Variants in ARHGAP25 observed in about 807,000 individuals in gnomAD.
ARHGAP25 encodes the protein rho GTPase-activating protein 25.
A neutral mutation model predicts 71.0 loss-of-function variants in ARHGAP25; 34 were observed. The observed-to-expected ratio is 0.48, with a 90% CI of 0.36 to 0.64. ARHGAP25 has a LOEUF of 0.64. Ranked by LOEUF, ARHGAP25 falls within the 30% of genes least tolerant of loss-of-function variation. The probability of loss-of-function intolerance (pLI) is 0.00; values close to 1 mark genes in which losing one functional copy is unlikely to be tolerated. For missense variants in ARHGAP25, 706 were observed against 805.1 expected (o/e 0.88, Z 1.49); for synonymous variants, 282 against 296.5 (o/e 0.95, Z 0.50).
chr2:68,741,147 A>G (rs934410932), intron 1 of ARHGAP25, among the ~76,000 whole-genome samples: 1 of 152,170 alleles, frequency 6.6e-6, no homozygotes, highest in Non-Finnish European at 1.5e-5. Context: ...GGATTACATT[A>G]TCTTGCTACC....
intron 4 of ARHGAP25, 95 bp downstream of exon 4, chr2:68,788,051 AG>A: frequency 3.1e-6 from 3 of 981,128 alleles, no homozygotes; most frequent in Non-Finnish European, 3.2e-6. Flanking sequence ...GCAGTGCTCA[AG>A]GGAGACAACC....
chr2:68,732,161 C>CGA (rs1675038662), upstream of ARHGAP25, among the ~76,000 whole-genome samples: 1 of 152,076 alleles, frequency 6.6e-6, no homozygotes, highest in Non-Finnish European at 1.5e-5. Flanking sequence ...GTTGACTGAC[C>CGA]GAGAGAGAGC....
chr2:68,764,752 G>C (rs1387587836), intron 1 of ARHGAP25, among the ~76,000 whole-genome samples: 3 of 152,098 alleles, frequency 2.0e-5, no homozygotes, highest in African/African-American at 7.2e-5. Flanking sequence ...GTTAGTGCAG[G>C]ATTTTCTTGG....
intron 2 of ARHGAP25, among the ~76,000 whole-genome samples, chr2:68,725,494 T>G (rs1674862707): frequency 6.6e-6 from 1 of 151,946 alleles, no homozygotes. Context: ...CTGGCCAATT[T>G]TTTTCTTTTC....
chr2:68,773,000 T>C (rs1677585912), intron 1 of ARHGAP25, among the ~76,000 whole-genome samples: 1 of 152,238 alleles, frequency 6.6e-6, no homozygotes. Flanking sequence ...TCTTGCAACG[T>C]GGGATACAAC....
upstream of ARHGAP25, among the ~76,000 whole-genome samples, chr2:68,730,870 C>G (rs757847441): frequency 3.3e-5 from 5 of 152,150 alleles, no homozygotes; most frequent in Non-Finnish European, 2.9e-5. Flanking sequence ...CTCACTCCCC[C>G]ACCTGGCTTC....
chr2:68,740,798 G>A (rs1333048202), intron 1 of ARHGAP25, among the ~76,000 whole-genome samples: 2 of 152,190 alleles, frequency 1.3e-5, no homozygotes, highest in Admixed American at 6.5e-5. Flanking sequence ...TTCTTAATAC[G>A]GTATGTAACA....
intron 2 of ARHGAP25, among the ~76,000 whole-genome samples, chr2:68,716,368 A>C (rs1674608885): frequency 6.6e-6 from 1 of 152,224 alleles, no homozygotes; most frequent in Admixed American, 6.5e-5. Context: ...TGGGACATCC[A>C]TGTAACCCTC....
intron 4 of ARHGAP25, among the ~76,000 whole-genome samples, chr2:68,788,796 G>A (rs970341440): frequency 8.5e-5 from 13 of 152,212 alleles, no homozygotes; most frequent in Middle Eastern, 3.4e-3. Context: ...TATTGACTGT[G>A]TGGCCTGTTA....
intron 4 of ARHGAP25, among the ~76,000 whole-genome samples, chr2:68,790,914 C>T (rs1159411588): frequency 1.3e-5 from 2 of 152,180 alleles, no homozygotes; most frequent in African/African-American, 2.4e-5. Context: ...CCTCCCCTCC[C>T]GCATTTCCCT....
At chr2:68,742,595 G>A (rs1675579934) in intron 1 of ARHGAP25, among the ~76,000 whole-genome samples, 1 of 152,200 alleles carries the variant, frequency 6.6e-6, no homozygotes, top group Admixed American at 6.5e-5. Context: ...TCTAGTAAGT[G>A]CTTCATAAAC....
intron 2 of ARHGAP25, chr2:68,775,819 T>G: frequency 2.6e-6 from 1 of 387,858 alleles, no homozygotes. Context: ...CTGTTCTAGG[T>G]ACTTGAAATA....
intron 2 of ARHGAP25, among the ~76,000 whole-genome samples, chr2:68,715,233 A>C (rs558419799): frequency 6.6e-6 from 1 of 152,212 alleles, no homozygotes; most frequent in Non-Finnish European, 1.5e-5. Context: ...AAAAGTTGGT[A>C]GAAATGCAAA....
upstream of ARHGAP25, chr2:68,734,774 G>A (rs1675119686): frequency 5.7e-6 from 1 of 176,246 alleles, no homozygotes; most frequent in African/African-American, 2.4e-5. Context: ...AGTTAAAAAA[G>A]AAACACACAC....
Position 68,767,441 on chromosome 2 carries a change from G to A in ARHGAP25, c.62-7780G>A, listed in dbSNP as rs903723634. Among the ~76,000 whole-genome samples, 8 of 152,236 alleles carry A rather than the reference G, an allele frequency of 5.3e-5. No homozygotes were observed. The highest frequency in any genetic ancestry group is 1.3e-4 in the Admixed American group (2 of 15,294). ...TGTGTGAATGTGGCAGGGGCGTTGC[G>A]TGTGTGTATGTGTGCGGGGTGTGGG... On this transcript the variant is annotated intron_variant, in intron 1 of 10. Transcript: ENST00000409202. This position sits in a 1 kb window ranked among gnomAD's most constrained non-coding sequence, Gnocchi z 4.6.
chr2:68,806,349 A>C (rs1680362950), intron 4 of ARHGAP25, among the ~76,000 whole-genome samples: 1 of 152,238 alleles, frequency 6.6e-6, no homozygotes, highest in African/African-American at 2.4e-5. Flanking sequence ...ATAGTAAACA[A>C]CCTAAATTAT....
intron 1 of ARHGAP25, among the ~76,000 whole-genome samples, chr2:68,740,380 A>G (rs907961271): frequency 1.3e-5 from 2 of 152,228 alleles, no homozygotes; most frequent in African/African-American, 4.8e-5. Flanking sequence ...AAGGAATTAA[A>G]TGGAAAGTCT....
Position 68,822,762 on chromosome 2 carries a change from T to C in ARHGAP25, c.1623T>C (p.Pro541=), listed in dbSNP as rs770752452. 1.9e-6 allele frequency: 3 copies of C among 1,614,092 alleles called. No homozygotes were observed. In the Admixed American group the frequency reaches 5.0e-5, roughly 27 times the overall value. Reference sequence around the variant, plus strand: ...CCAGTCCAAACTCTGAAACTGGGCCTGGAAAAAAGAACTCTGGAGAAGAGG... The same window carrying C: ...CCAGTCCAAACTCTGAAACTGGGCCCGGAAAAAAGAACTCTGGAGAAGAGG... ...TLASPNSETG[P]GKKNSGEEEI... is the part of the protein sequence containing the mutation. Residue 541 remains proline (P), a synonymous_variant, in exon 10 of 11, where the codon CCT becomes CCC. Transcript: ENST00000409202.
intron 2 of ARHGAP25, among the ~76,000 whole-genome samples, chr2:68,715,062 A>G (rs1348892334): frequency 6.6e-6 from 1 of 152,146 alleles, no homozygotes; most frequent in African/African-American, 2.4e-5. Context: ...AGCCCTGAGC[A>G]TGAGGGTGGG....
Sources: gnomAD v4.1 joint callset for allele counts (sites outside exome capture counted in the v4.1 genomes callset) on GRCh38, gnomAD v4.1.1 for gene constraint, Gnocchi (gnomAD v3.1) non-coding constraint, MANE v1.5 for transcripts, NCBI Gene and HGNC (gene_info 2026-07-23, HGNC 2026-07-21) for gene names.